The following NEDD9 variants were observed in gnomAD, a reference collection of about 807,000 sequenced individuals.
NEDD9 encodes enhancer of filamentation 1.
A neutral mutation model predicts 76.6 loss-of-function variants in NEDD9; 26 were observed. The observed-to-expected ratio is 0.34, with a 90% CI of 0.25 to 0.47. The LOEUF (loss-of-function observed/expected upper bound fraction) is 0.47, where lower values mean the gene tolerates loss of function less well. NEDD9 is among the 20% of genes least tolerant of loss of function. NEDD9 has a pLI of 1.00. For missense variants in NEDD9, 937 were observed against 1,058.5 expected (o/e 0.89, Z 1.59); for synonymous variants, 392 against 414.2 (o/e 0.95, Z 0.65).
At chr6:11,355,770 G>A (rs929688505) in intron 1 of NEDD9, among the ~76,000 whole-genome samples, 2 of 151,844 alleles carry the variant, frequency 1.3e-5, no homozygotes, top group African/African-American at 4.8e-5. Flanking sequence ...GCCCAGGCTG[G>A]AGGGCAGTGG....
At chr6:11,311,797 C>T (rs950303735) in intron 2 of NEDD9, among the ~76,000 whole-genome samples, 5 of 152,170 alleles carry the variant, frequency 3.3e-5, no homozygotes, top group African/African-American at 7.2e-5. Flanking sequence ...CCAGTTCCTC[C>T]GTTTTCACTG....
At chr6:11,234,932 G>A (rs958227849), upstream of NEDD9, among the ~76,000 whole-genome samples, 10 of 152,070 alleles carry the variant, frequency 6.6e-5, no homozygotes, top group African/African-American at 1.4e-4. Context: ...GGCTGGTCTC[G>A]AACTCCTGAC....
intron 1 of NEDD9, among the ~76,000 whole-genome samples, chr6:11,369,500 T>A (rs1273267362): frequency 6.6e-6 from 1 of 152,244 alleles, no homozygotes; most frequent in Non-Finnish European, 1.5e-5. Flanking sequence ...CTGGCATGCA[T>A]GAGTGATTGT....
chr6:11,268,390 T>C (rs773639155), intron 3 of NEDD9, among the ~76,000 whole-genome samples: 39 of 151,966 alleles, frequency 2.6e-4, no homozygotes, highest in Middle Eastern at 3.2e-3. Context: ...AGAACAGATA[T>C]ATAGAATAAG....
rs373808837 is a variant in NEDD9, at chr6:11,190,438, C to T, written c.1431G>A (p.Pro477=). The change falls in exon 5 of 7, where the codon CCG becomes CCA. Residue 477 remains proline (P), a synonymous_variant. Transcript: ENST00000379446. This position sits in a 1 kb window ranked among gnomAD's most constrained non-coding sequence, Gnocchi z 5.8. The part of the protein sequence containing the change: ...KGAVANAACL[P]ELILHNKMKR... ...TCATCTTGTTGTGGAGGATGAGTTC[C>T]GGGAGGCAGGCAGCATTTGCAACAG... The T allele has an allele frequency of 1.9e-4, 302 of 1,614,026 alleles. 1 individual carries two copies. Among genetic ancestry groups the T allele is most frequent in the Admixed American group, 6.7e-4 (40 of 60,010 alleles).
chr6:11,236,110 T>A (rs895040168), upstream of NEDD9, among the ~76,000 whole-genome samples: 7 of 152,172 alleles, frequency 4.6e-5, no homozygotes, highest in African/African-American at 1.7e-4. The surrounding 1 kb of genome is among the most constrained non-coding windows in gnomAD (Gnocchi z 5.5). Context: ...CAGAAACAAT[T>A]CCCTTCCTCA....
intron 4 of NEDD9, 75 bp from the exon 5 acceptor site, chr6:11,191,280 C>A (rs1317105596): frequency 3.4e-6 from 5 of 1,475,538 alleles, no homozygotes; most frequent in African/African-American, 1.4e-5. Context: ...TGTGCTCAGT[C>A]CTATTTGCTG....
At chr6:11,342,447 A>T (rs1043564238) in intron 1 of NEDD9, among the ~76,000 whole-genome samples, 1 of 152,218 alleles carries the variant, frequency 6.6e-6, no homozygotes, top group East Asian at 1.9e-4. Flanking sequence ...AGACACATAC[A>T]GAGGAACAAA....
At chr6:11,196,369 C>T (rs574458548) in intron 2 of NEDD9, among the ~76,000 whole-genome samples, 1 of 152,044 alleles carries the variant, frequency 6.6e-6, no homozygotes, top group African/African-American at 2.4e-5. Context: ...GAGTGGGTGG[C>T]GTTGGTGTCT....
At chr6:11,337,908 G>A (rs546107785) in intron 1 of NEDD9, among the ~76,000 whole-genome samples, 1 of 152,316 alleles carries the variant, frequency 6.6e-6, no homozygotes, top group Non-Finnish European at 1.5e-5. Context: ...ATACCAGCGT[G>A]TATTCACTTT....
At chr6:11,362,078 T>C (rs1290868360) in intron 1 of NEDD9, among the ~76,000 whole-genome samples, 1 of 152,096 alleles carries the variant, frequency 6.6e-6, no homozygotes, top group African/African-American at 2.4e-5. Context: ...CGCAATGTGA[T>C]GGTGATAGGA....
At chr6:11,342,440 C>A (rs1173989812) in intron 1 of NEDD9, among the ~76,000 whole-genome samples, 2 of 152,106 alleles carry the variant, frequency 1.3e-5, no homozygotes, top group Admixed American at 1.3e-4. Context: ...AAGAAAAAGA[C>A]ACATACAGAG....
intron 3 of NEDD9, among the ~76,000 whole-genome samples, chr6:11,284,958 A>G (rs1173624703): frequency 6.6e-6 from 1 of 152,188 alleles, no homozygotes; most frequent in Non-Finnish European, 1.5e-5. Flanking sequence ...TAAGCTGATC[A>G]GAAAACTGAG....
At chr6:11,264,679 A>C (rs1190949343) in intron 3 of NEDD9, among the ~76,000 whole-genome samples, 1 of 152,214 alleles carries the variant, frequency 6.6e-6, no homozygotes, top group East Asian at 1.9e-4. Context: ...AGTAAGGCTG[A>C]AAAAAAGAAT....
intron 2 of NEDD9, among the ~76,000 whole-genome samples, chr6:11,210,942 G>T (rs116668683): frequency 6.6e-6 from 1 of 152,110 alleles, no homozygotes; most frequent in Non-Finnish European, 1.5e-5. Context: ...TATTTGGCAG[G>T]GAAGGTGCCA....
At chr6:11,275,565 C>CACACATATATATAT (rs551632582) in intron 3 of NEDD9, among the ~76,000 whole-genome samples, 12 of 150,284 alleles carry the variant, frequency 8.0e-5, no homozygotes, top group African/African-American at 1.7e-4. Context: ...CACACACACA[C>CACACATATATATAT]ATATATATAT....
At chr6:11,205,879 C>T (rs1288685615) in intron 2 of NEDD9, among the ~76,000 whole-genome samples, 1 of 152,152 alleles carries the variant, frequency 6.6e-6, no homozygotes, top group African/African-American at 2.4e-5. Flanking sequence ...CTACCCACTT[C>T]GGCCTTCCAA....
chr6:11,296,011 T>A (rs1582004806), intron 3 of NEDD9, among the ~76,000 whole-genome samples: 1 of 152,026 alleles, frequency 6.6e-6, no homozygotes, highest in East Asian at 1.9e-4. Context: ...AGTAATTAAG[T>A]TAAAATGAGG....
chr6:11,309,260 T>C (rs1761292317), intron 2 of NEDD9, among the ~76,000 whole-genome samples: 1 of 152,270 alleles, frequency 6.6e-6, no homozygotes, highest in Non-Finnish European at 1.5e-5. Flanking sequence ...CATTGCTGTA[T>C]GGTATTCCAC....
Sources: allele counts gnomAD v4.1 joint callset (sites outside exome capture counted in the v4.1 genomes callset), GRCh38; gene constraint gnomAD v4.1.1; non-coding constraint Gnocchi (gnomAD v3.1); transcripts MANE v1.5; gene names NCBI Gene and HGNC (gene_info 2026-07-23, HGNC 2026-07-21).